The following PHC1 variants were observed in gnomAD, a reference collection of about 807,000 sequenced individuals.
The protein encoded by PHC1 is polyhomeotic homolog 1, also known as polyhomeotic-like protein 1.
A neutral mutation model predicts 104.3 loss-of-function variants in PHC1; 12 were observed. The ratio of observed to expected loss-of-function variants is 0.12; its 90% confidence interval spans 0.07 to 0.19. PHC1 has a LOEUF of 0.19. Ranked by LOEUF, PHC1 falls within the 10% of genes least tolerant of loss-of-function variation. PHC1 has a pLI of 1.00. For synonymous variants in PHC1, 302 were observed against 455.8 expected (o/e 0.66, Z 4.30); for missense variants, 671 against 1,200.0 (o/e 0.56, Z 6.51).
intron 2 of PHC1, among the ~76,000 whole-genome samples, chr12:8,918,734 T>C (rs1031970701): frequency 2.0e-5 from 3 of 152,246 alleles, no homozygotes; most frequent in African/African-American, 7.2e-5. Context: ...GAGAAACAAG[T>C]TTGTATAAAT....
chr12:8,925,682 C>T (rs759166492), intron 6 of PHC1, among the ~76,000 whole-genome samples: 5 of 152,148 alleles, frequency 3.3e-5, no homozygotes, highest in South Asian at 4.2e-4. Flanking sequence ...TGGGGCTAGA[C>T]GGGTAGGAGG....
intron 8 of PHC1, 162 bp from the exon 9 acceptor site, chr12:8,933,703 A>G: frequency 1.5e-6 from 1 of 652,350 alleles, no homozygotes; most frequent in Admixed American, 3.0e-5. Flanking sequence ...TCCTGATGGA[A>G]AGTTACTAGG....
Position 8,937,318 on chromosome 12 carries a change from T to A in PHC1, c.2620T>A (p.Cys874Ser). The A allele has an allele frequency of 1.2e-6, 2 of 1,606,798 alleles. No individual in the cohort carries two copies. Among genetic ancestry groups the A allele is most frequent in the Non-Finnish European group, 1.7e-6 (2 of 1,176,646 alleles). The change falls in exon 13 of 15, where the codon TGC (cysteine) becomes AGC (serine). Residue 874 changes from cysteine to serine, a missense_variant. Cys to Ser is a moderately radical substitution (Grantham distance 112). Transcript: ENST00000544916. ...TGCCCGTGCCAAGATTCAGGGCAAG[T>A]GCCACCGGGTGAGCTGCTTGTTGTA... ...DIARAKIQGKCHRGQEDSSRG... is the reference protein window; with the variant it reads ...DIARAKIQGKSHRGQEDSSRG...
At chr12:8,915,255 ACCCCCT>A (rs1945168170) in intron 1 of PHC1, 1 of 151,546 alleles carries the variant, frequency 6.6e-6, no homozygotes, top group Non-Finnish European at 1.5e-5. Flanking sequence ...CACTGGATCC[ACCCCCT>A]TCCCCCAGTG....
At chr12:8,924,458 A>C (rs922875625) in intron 6 of PHC1, among the ~76,000 whole-genome samples, 1 of 152,244 alleles carries the variant, frequency 6.6e-6, no homozygotes, top group Non-Finnish European at 1.5e-5. Context: ...CCTGGGCGAC[A>C]GAGTGAGACT....
chr12:8,917,693 G>A lies in PHC1; in HGVS notation c.16G>A (p.Glu6Lys), dbSNP rs1234069795. The change falls in exon 2 of 15, where the codon GAG becomes AAG. Residue 6 changes from glutamate (E) to lysine (K), a missense_variant. Glu to Lys is a moderately conservative substitution (Grantham distance 56, BLOSUM62 1). Coordinates refer to ENST00000544916, the MANE Select transcript of PHC1 (RefSeq NM_004426.3). ...GACCACTATCATGGAGACTGAGAGC[G>A]AGCAGAACTCCAATTCCACCAATGG... Reference protein sequence around the residue: METESEQNSNSTNGSS... With the variant: METESKQNSNSTNGSS... 3 of 1,560,036 alleles carry A rather than the reference G, an allele frequency of 1.9e-6. No homozygotes were observed. Among genetic ancestry groups the A allele is most frequent in the Non-Finnish European group, 2.6e-6 (3 of 1,155,702 alleles).
Position 8,929,531 on chromosome 12 carries a change from CT to C in PHC1, c.613-891del, listed in dbSNP as rs965309403. Among the ~76,000 whole-genome samples, 311 of 143,358 alleles carry C rather than the reference CT, an allele frequency of 2.2e-3. 1 individual carries two copies. Among genetic ancestry groups the C allele is most frequent in the African/African-American group, 5.2e-3 (203 of 39,410 alleles). The allele number at this position is 143,358 out of a possible 152,430, so 94.0% of individuals were successfully genotyped here. ...TTTTAATAATATTTTAAAATAATGT[CT>C]TTTTTTTTTTTTCTGGACAGGGTCT... On this transcript the variant is annotated intron_variant, in intron 6 of 14. Transcript: ENST00000544916.
In PHC1 at chr12:8,921,590, G is replaced by A; in HGVS notation, c.307-11G>A. 6.2e-7 allele frequency: 1 copy of A among 1,613,352 alleles called. No individual in the cohort carries two copies. Among genetic ancestry groups the A allele is most frequent in the Non-Finnish European group, 8.5e-7 (1 of 1,179,748 alleles). On this transcript the variant is annotated splice_polypyrimidine_tract_variant and intron_variant, in intron 4 of 14. Coordinates refer to ENST00000544916, the MANE Select transcript of PHC1 (RefSeq NM_004426.3). ...AAATCCTTAGTCCTGGTTCCTTTCT[G>A]TACCACACAGATCAATCTGGCCACC...
chr12:8,922,831 A>T, intron 6 of PHC1, 43 bp downstream of exon 6: 1 of 1,571,880 alleles, frequency 6.4e-7, no homozygotes, highest in Non-Finnish European at 8.7e-7. Context: ...ACTGGGCAGG[A>T]TGAAGGGAAT....
chr12:8,935,190 A>G lies in PHC1; in HGVS notation c.2320A>G (p.Thr774Ala), dbSNP rs1440787639. The change falls in exon 11 of 15, where the codon ACT (threonine) becomes GCT (alanine). Residue 774 changes from threonine to alanine, a missense_variant. By Grantham distance (58) the Thr-to-Ala change is moderately conservative. Coordinates refer to ENST00000544916, the MANE Select transcript of PHC1 (RefSeq NM_004426.3). ...ACAGACTGGCCTTCCGACAGGGCTGACTGAGAATCAGTCAGGTGGCCCTTT... is the reference window on the plus strand; with the variant it reads ...ACAGACTGGCCTTCCGACAGGGCTGGCTGAGAATCAGTCAGGTGGCCCTTT... ...PLQTGLPTGL[T>A]ENQSGGPLGV... is the part of the protein sequence containing the mutation. 11 of 1,591,640 alleles carry G rather than the reference A, an allele frequency of 6.9e-6. No homozygotes were observed. The highest frequency in any genetic ancestry group is 9.4e-6 in the Non-Finnish European group (11 of 1,166,148).
chr12:8,936,171 AG>A (rs1945832111), intron 11 of PHC1, among the ~76,000 whole-genome samples: 1 of 152,224 alleles, frequency 6.6e-6, no homozygotes, highest in African/African-American at 2.4e-5. Context: ...TCTTGAGCTC[AG>A]GAGTTTGAGA....
At chr12:8,927,723 TTGCC>T (rs1945556034) in intron 6 of PHC1, among the ~76,000 whole-genome samples, 1 of 152,310 alleles carries the variant, frequency 6.6e-6, no homozygotes, top group Admixed American at 6.5e-5. Context: ...ATATTAATAA[TTGCC>T]AGATAATATT....
chr12:8,938,445 C>CTTCT (rs1555132627), intron 14 of PHC1, among the ~76,000 whole-genome samples: 1 of 142,244 alleles, frequency 7.0e-6, no homozygotes, highest in Non-Finnish European at 1.5e-5. Flanking sequence ...TGCTAGTCTT[C>CTTCT]TTTTTTTTTT....
At chr12:8,937,363 T>C in intron 13 of PHC1, 37 bp downstream of exon 13, 2 of 1,538,284 alleles carry the variant, frequency 1.3e-6, no homozygotes, top group Non-Finnish European at 1.7e-6. Context: ...GCCTTTAAAC[T>C]GGGTCTTTTT....
chr12:8,921,169 T>G, intron 4 of PHC1, 104 bp downstream of exon 4: 2 of 805,902 alleles, frequency 2.5e-6, no homozygotes. Flanking sequence ...GAGCCGTCAG[T>G]GGATAGTTAC....
chr12:8,920,580 C>T (rs939235769), intron 3 of PHC1, among the ~76,000 whole-genome samples: 1 of 152,186 alleles, frequency 6.6e-6, no homozygotes, highest in African/African-American at 2.4e-5. Flanking sequence ...TGGTGGTGTG[C>T]ACCTGTGATC....
At chr12:8,923,687 A>G (rs4882971) in intron 6 of PHC1, among the ~76,000 whole-genome samples, 149,308 of 152,080 alleles carry the variant, frequency 0.98, 73,350 homozygotes, top group East Asian at 1. Context: ...AAAATTAGCC[A>G]GGCGTGGTGG....
intron 6 of PHC1, among the ~76,000 whole-genome samples, chr12:8,925,699 A>C (rs914903978): frequency 6.6e-6 from 1 of 152,152 alleles, no homozygotes; most frequent in Non-Finnish European, 1.5e-5. Context: ...GAGGAACCTT[A>C]TCTTTCAGGG....
In PHC1 at chr12:8,938,170, C is replaced by T. The variant is rs965285583; in HGVS notation, c.2860+110C>T. The T allele has an allele frequency of 8.6e-6, 6 of 699,308 alleles. No individual in the cohort carries two copies. The Admixed American group carries it at 1.5e-4, about 18-fold the overall frequency. The allele number at this position is 699,308 out of a possible 1,614,324, so 43.3% of individuals were successfully genotyped here. A position where few individuals can be genotyped will look rare whatever the true frequency, so the allele number is the denominator to read the frequency against. The stretch of plus-strand genomic sequence containing the variant: ...CTTTTAAGCAGTAGGAGCTTGAATG[C>T]TAATATAGAGGCTCTACTCCTAATA... On this transcript the variant is annotated intron_variant, in intron 14 of 14. Coordinates refer to ENST00000544916, the MANE Select transcript of PHC1 (RefSeq NM_004426.3).
Sources: gnomAD v4.1 joint callset for allele counts (sites outside exome capture counted in the v4.1 genomes callset) on GRCh38, gnomAD v4.1.1 for gene constraint, MANE v1.5 for transcripts, NCBI Gene and HGNC (gene_info 2026-07-23, HGNC 2026-07-21) for gene names.